The following SCG2 variants were observed in gnomAD, a reference collection of about 807,000 sequenced individuals.
SCG2 encodes the protein secretogranin-2.
SCG2 carries 23 observed loss-of-function variants against 49.5 expected under a neutral mutation model. The ratio of observed to expected loss-of-function variants is 0.46; its 90% CI spans 0.33 to 0.66. The LOEUF is 0.66. Among genes scored for constraint, SCG2 ranks in the 30% least tolerant of loss-of-function variants. The pLI is 0.01. For synonymous variants in SCG2, 288 were observed against 260.4 expected (o/e 1.11, Z -1.02); for missense variants, 730 against 728.2 (o/e 1.00, Z -0.03).
In SCG2 at chr2:223,597,931, G is replaced by A. The variant is rs569665778; in HGVS notation, c.1352C>T (p.Ser451Leu). 5.6e-6 allele frequency: 9 copies of A among 1,614,014 alleles called. No homozygotes were observed. Among genetic ancestry groups the A allele is most frequent in the South Asian group, 4.4e-5 (4 of 91,066 alleles). The change falls in exon 2 of 2, where the codon TCG (serine) becomes TTG (leucine). Residue 451 changes from serine (S) to leucine (L), a missense_variant. Transcript: ENST00000305409. Reference sequence around the variant, plus strand: ...CTGGTTATATGGATTGGGAAAATACGACGTTTTCTGATTTGCTGCACTCTC... The same window carrying A: ...CTGGTTATATGGATTGGGAAAATACAACGTTTTCTGATTTGCTGCACTCTC... The part of the protein sequence containing the change: ...GMESAANQKT[S>L]YFPNPYNQEK...
chr2:223,598,717 T>C lies in SCG2; in HGVS notation c.566A>G (p.Gln189Arg), dbSNP rs996984540. 5.6e-6 allele frequency: 9 copies of C among 1,613,750 alleles called. No homozygotes were observed. The highest frequency in any genetic ancestry group is 2.2e-5 in the East Asian group (1 of 44,898). ...FKRTNEIVEE[Q>R]YTPQSLATLE... The stretch of plus-strand genomic sequence containing the variant: ...TGTAGCAAGGCTTTGAGGAGTATAT[T>C]GTTCCTCCACTATTTCATTTGTGCG... The change falls in exon 2 of 2, where the codon CAA becomes CGA. Residue 189 changes from glutamine (Q) to arginine (R), a missense_variant. Transcript: ENST00000305409.
chr2:223,601,922 G>A lies in SCG2; in HGVS notation c.-15+363C>T, dbSNP rs141521138. Among the ~76,000 whole-genome samples, 16 of 152,280 alleles carry A rather than the reference G, an allele frequency of 1.1e-4. No individual in the cohort carries two copies. The East Asian group carries it at 3.1e-3, about 29-fold the overall frequency. Reference sequence around the variant, plus strand: ...ACATATAAATTATACCCCTGGCTTCGTATCTGGCTCTTAGTGGCAGAAATA... The same window carrying A: ...ACATATAAATTATACCCCTGGCTTCATATCTGGCTCTTAGTGGCAGAAATA... On this transcript the variant is annotated intron_variant, in intron 1 of 1. Transcript: ENST00000305409.
Position 223,597,443 on chromosome 2 carries a change from T to A in SCG2, c.1840A>T (p.Met614Leu), listed in dbSNP as rs572242890. 1.3e-6 allele frequency: 2 copies of A among 1,597,546 alleles called. No homozygotes were observed. The highest frequency in any genetic ancestry group is 2.3e-5 in the South Asian group (2 of 88,716). Residue 614 changes from methionine (M) to leucine (L), a missense_variant, in exon 2 of 2, where the codon ATG becomes TTG. Physicochemically the swap from Met to Leu is conservative, Grantham distance 15. Transcript: ENST00000305409. The part of the protein sequence containing the change: ...KGREHIAKRA[M>L]ENM Reference sequence around the variant, plus strand: ...ATGAAAGCAGCTTACATATTTTCCATTGCTCTCTTAGCAATATGCTCCCTT... The same window carrying A: ...ATGAAAGCAGCTTACATATTTTCCAATGCTCTCTTAGCAATATGCTCCCTT...
In SCG2 at chr2:223,599,125, G is replaced by A; in HGVS notation, c.158C>T (p.Pro53Leu). The change falls in exon 2 of 2, where the codon CCT becomes CTT. Residue 53 changes from proline to leucine, a missense_variant. Coordinates refer to ENST00000305409, the MANE Select transcript of SCG2 (RefSeq NM_003469.5). ...RLENVQKFPS[P>L]EMIRALEYIE... ...GTACTCCAAAGCCCTGATCATTTCA[G>A]GACTGGGAAACTTTTGGACATTTTC... is the stretch of plus-strand genomic sequence containing the variant. The A allele has an allele frequency of 6.2e-7, 1 of 1,614,082 alleles. No individual in the cohort carries two copies. Among genetic ancestry groups the A allele is most frequent in the Non-Finnish European group, 8.5e-7 (1 of 1,179,992 alleles).
chr2:223,599,090 G>A lies in SCG2; in HGVS notation c.193C>T (p.Leu65Phe), dbSNP rs1691350615. The change falls in exon 2 of 2, where the codon CTC becomes TTC. Residue 65 changes from leucine to phenylalanine, a missense_variant. Physicochemically the swap from Leu to Phe is conservative, Grantham distance 22. Transcript: ENST00000305409. The stretch of plus-strand genomic sequence containing the variant: ...TCTTCCTTATGAGCTTGTTGTCGGA[G>A]GTTTTCTATGTACTCCAAAGCCCTG... ...MIRALEYIENLRQQAHKEESS... is the reference protein window; with the variant it reads ...MIRALEYIENFRQQAHKEESS... 6.2e-7 allele frequency: 1 copy of A among 1,614,110 alleles called. No individual in the cohort carries two copies. Among genetic ancestry groups the A allele is most frequent in the Non-Finnish European group, 8.5e-7 (1 of 1,180,016 alleles).
In SCG2 at chr2:223,598,311, C is replaced by T; in HGVS notation, c.972G>A (p.Gly324=). Reference sequence around the variant, plus strand: ...CCCCATTTTGCCCATTCTGTAACCTCCCACTTCCTGCAGCATTTACTAACC... The same window carrying T: ...CCCCATTTTGCCCATTCTGTAACCTTCCACTTCCTGCAGCATTTACTAACC... ...LKRLVNAAGS[G]RLQNGQNGER... The change falls in exon 2 of 2, where the codon GGG becomes GGA. Residue 324 remains glycine (G), a synonymous_variant. Transcript: ENST00000305409. The T allele has an allele frequency of 6.2e-7, 1 of 1,614,118 alleles. No homozygotes were observed.
Position 223,598,437 on chromosome 2 carries a change from C to A in SCG2, c.846G>T (p.Met282Ile), listed in dbSNP as rs1559237486. Residue 282 changes from methionine to isoleucine, a missense_variant, in exon 2 of 2, where the codon ATG becomes ATT. Physicochemically the swap from Met to Ile is conservative, Grantham distance 10 (BLOSUM62 1). Coordinates refer to ENST00000305409, the MANE Select transcript of SCG2 (RefSeq NM_003469.5). Reference protein sequence around the residue: ...IEKNEQINDEMKRSGQLGIQE... With the variant: ...IEKNEQINDEIKRSGQLGIQE... Reference sequence around the variant, plus strand: ...GGATGCCAAGCTGCCCTGAGCGTTTCATCTCATCGTTGATTTGTTCATTTT... The same window carrying A: ...GGATGCCAAGCTGCCCTGAGCGTTTAATCTCATCGTTGATTTGTTCATTTT... 6.2e-7 allele frequency: 1 copy of A among 1,614,104 alleles called. No homozygotes were observed.
Position 223,597,344 on chromosome 2 carries a change from AG to A in SCG2, c.*84del, listed in dbSNP as rs1362994667. On this transcript the variant is annotated 3_prime_UTR_variant, in exon 2 of 2. Transcript: ENST00000305409. ...CATTTAAAGATATTACAGTGTTAAC[AG>A]GATAGAAGTCAACACACTGAAGAGA... 3 of 1,467,610 alleles carry A rather than the reference AG, an allele frequency of 2.0e-6. No individual in the cohort carries two copies. In the African/African-American group the frequency reaches 4.2e-5, roughly 21 times the overall value. 90.9% of individuals were successfully genotyped at this position (1,467,610 alleles called of 1,614,324 possible).
Position 223,598,396 on chromosome 2 carries a change from C to T in SCG2, c.887G>A (p.Arg296Gln), listed in dbSNP as rs772052499. 28 of 1,613,902 alleles carry T rather than the reference C, an allele frequency of 1.7e-5. No homozygotes were observed. The highest frequency in any genetic ancestry group is 6.7e-5 in the East Asian group (3 of 44,894). The change falls in exon 2 of 2, where the codon CGG (arginine) becomes CAG (glutamine). Residue 296 changes from arginine to glutamine, a missense_variant. Transcript: ENST00000305409. ...GQLGIQEEDLRKESKDQLSDD... is the reference protein window; with the variant it reads ...GQLGIQEEDLQKESKDQLSDD... ...TGAGAGTTGGTCTTTACTCTCTTTC[C>T]GAAGATCTTCTTCCTGGATGCCAAG... is the stretch of plus-strand genomic sequence containing the variant.
chr2:223,601,483 C>A (rs1270342882), intron 1 of SCG2, among the ~76,000 whole-genome samples: 1 of 152,128 alleles, frequency 6.6e-6, no homozygotes, highest in Non-Finnish European at 1.5e-5. Flanking sequence ...ATACTTGTCC[C>A]AGACAAAATC....
chr2:223,598,898 G>GT lies in SCG2; in HGVS notation c.384dup (p.Pro129ThrfsTer5). The stretch of plus-strand genomic sequence containing the variant: ...AAGGCATAGGGCTTATTTTCTTTTG[G>GT]TGCAGACTGAGGCTCATTTTCAGCC... On this transcript the variant is annotated frameshift_variant, in exon 2 of 2. Transcript: ENST00000305409. LOFTEE classifies it high-confidence loss of function. 1 of 1,614,058 alleles carries GT rather than the reference G, an allele frequency of 6.2e-7. No homozygotes were observed. Among genetic ancestry groups the GT allele is most frequent in the Non-Finnish European group, 8.5e-7 (1 of 1,180,000 alleles).
At chr2:223,601,376 A>G (rs1034193635) in intron 1 of SCG2, among the ~76,000 whole-genome samples, 9 of 152,284 alleles carry the variant, frequency 5.9e-5, no homozygotes, top group Middle Eastern at 3.4e-3. Context: ...TCAAGTTAAA[A>G]TGTCTTTTCT....
Position 223,598,938 on chromosome 2 carries a change from G to A in SCG2, c.345C>T (p.Leu115=), listed in dbSNP as rs372704649. 11 of 1,613,946 alleles carry A rather than the reference G, an allele frequency of 6.8e-6. No individual in the cohort carries two copies. In the Admixed American group the frequency reaches 8.3e-5, roughly 12 times the overall value. Reference sequence around the variant, plus strand: ...CATTTTCAGCCTGTCTCAAAGCTTCGAGTATTATTCTCATCCAGTCTTCTT... The same window carrying A: ...CATTTTCAGCCTGTCTCAAAGCTTCAAGTATTATTCTCATCCAGTCTTCTT... ...LSEEDWMRII[L]EALRQAENEP... The change falls in exon 2 of 2, where the codon CTC becomes CTT. Residue 115 remains leucine (L), a synonymous_variant. Coordinates refer to ENST00000305409, the MANE Select transcript of SCG2 (RefSeq NM_003469.5).
intron 1 of SCG2, among the ~76,000 whole-genome samples, chr2:223,601,863 T>C (rs2106115647): frequency 6.6e-6 from 1 of 152,352 alleles, no homozygotes; most frequent in East Asian, 1.9e-4. Flanking sequence ...TGACAGCCTT[T>C]GTATCATTGG....
chr2:223,598,486 C>G lies in SCG2; in HGVS notation c.797G>C (p.Arg266Thr). ...TTTTTCTATATTCTCTTTGCTGTCT[C>G]TCACCTCTTCCTGGGTTTGACTCTC... is the stretch of plus-strand genomic sequence containing the variant. The part of the protein sequence containing the change: ...KIESQTQEEV[R>T]DSKENIEKNE... Residue 266 changes from arginine to threonine, a missense_variant, in exon 2 of 2, where the codon AGA (arginine) becomes ACA (threonine). By Grantham distance (71) the Arg-to-Thr change is moderately conservative. Coordinates refer to ENST00000305409, the MANE Select transcript of SCG2 (RefSeq NM_003469.5). 6.2e-7 allele frequency: 1 copy of G among 1,614,018 alleles called. No individual in the cohort carries two copies. The highest frequency in any genetic ancestry group is 1.1e-5 in the South Asian group (1 of 91,076).
At position 223,597,989 on chromosome 2, in the gene SCG2, T is replaced by C. The variant is rs1691325669; in HGVS notation, c.1294A>G (p.Ser432Gly). Residue 432 changes from serine to glycine, a missense_variant, in exon 2 of 2, where the codon AGT becomes GGT. Transcript: ENST00000305409. Reference protein sequence around the residue: ...AGTEALPDGLSVEDILNLLGM... With the variant: ...AGTEALPDGLGVEDILNLLGM... ...AAAAGATTTAAAATATCCTCAACAC[T>C]GAGCCCGTCTGGTAGGGCCTCAGTC... 6.2e-7 allele frequency: 1 copy of C among 1,614,064 alleles called. No individual in the cohort carries two copies. The highest frequency in any genetic ancestry group is 8.5e-7 in the Non-Finnish European group (1 of 1,179,986).
chr2:223,597,403 A>T lies in SCG2; in HGVS notation c.*26T>A, dbSNP rs1355237940. 5 of 1,558,422 alleles carry T rather than the reference A, an allele frequency of 3.2e-6. No individual in the cohort carries two copies. Among genetic ancestry groups the T allele is most frequent in the South Asian group, 2.5e-5 (2 of 80,360 alleles). Reference sequence around the variant, plus strand: ...GGATTTGCTTGGGGTGGGAGGAATGAAAGTAGGGTAATTAATGAAAGCAGC... The same window carrying T: ...GGATTTGCTTGGGGTGGGAGGAATGTAAGTAGGGTAATTAATGAAAGCAGC... On this transcript the variant is annotated 3_prime_UTR_variant, in exon 2 of 2. Coordinates refer to ENST00000305409, the MANE Select transcript of SCG2 (RefSeq NM_003469.5).
rs752879454 is a variant in SCG2, at chr2:223,597,934, G to C, written c.1349C>G (p.Thr450Arg). 5 of 1,614,076 alleles carry C rather than the reference G, an allele frequency of 3.1e-6. No individual in the cohort carries two copies. Among genetic ancestry groups the C allele is most frequent in the Non-Finnish European group, 4.2e-6 (5 of 1,180,020 alleles). The change falls in exon 2 of 2, where the codon ACG (threonine) becomes AGG (arginine). Residue 450 changes from threonine to arginine, a missense_variant. By Grantham distance (71) the Thr-to-Arg change is moderately conservative. Transcript: ENST00000305409. ...GTTATATGGATTGGGAAAATACGAC[G>C]TTTTCTGATTTGCTGCACTCTCCAT... ...LGMESAANQK[T>R]SYFPNPYNQE...
At chr2:223,601,778 C>T (rs1032689306) in intron 1 of SCG2, among the ~76,000 whole-genome samples, 7 of 152,126 alleles carry the variant, frequency 4.6e-5, no homozygotes, top group Non-Finnish European at 8.8e-5. Context: ...TTAGTTAATT[C>T]AGAGCTCTTG....
Sources: gnomAD v4.1 joint callset for allele counts (sites outside exome capture counted in the v4.1 genomes callset) on GRCh38, gnomAD v4.1.1 for gene constraint, MANE v1.5 for transcripts, NCBI Gene and HGNC (gene_info 2026-07-23, HGNC 2026-07-21) for gene names.